The following PLA2G4E variants were observed in gnomAD, a reference collection of about 807,000 sequenced individuals.
PLA2G4E encodes the protein cytosolic phospholipase A2 epsilon.
A neutral mutation model predicts 109.1 loss-of-function variants in PLA2G4E; 84 were observed. The observed-to-expected ratio is 0.77, with a 90% CI of 0.65 to 0.92. The LOEUF is 0.92. PLA2G4E is among the 40% of genes least tolerant of loss of function. The pLI is 0.00. For synonymous variants in PLA2G4E, 469 were observed against 436.1 expected (o/e 1.08, Z -0.94); for missense variants, 1,057 against 1,076.6 (o/e 0.98, Z 0.25).
chr15:42,015,307 G>A (rs191344642), intron 1 of PLA2G4E, among the ~76,000 whole-genome samples: 2 of 152,212 alleles, frequency 1.3e-5, no homozygotes, highest in East Asian at 1.9e-4. Flanking sequence ...ACAGAGTGTC[G>A]CCGGATCATC....
chr15:42,017,536 G>A (rs551165912), intron 1 of PLA2G4E, among the ~76,000 whole-genome samples: 148 of 152,322 alleles, frequency 9.7e-4, no homozygotes, highest in African/African-American at 3.0e-3. Flanking sequence ...AGAGTCAGAG[G>A]CTAAGTCCTT....
intron 1 of PLA2G4E, among the ~76,000 whole-genome samples, chr15:42,017,125 C>T (rs935878131): frequency 2.0e-5 from 3 of 152,220 alleles, no homozygotes; most frequent in Non-Finnish European, 4.4e-5. Context: ...GGCAGGAGTC[C>T]GTCCTGAGGG....
At chr15:42,004,673 G>A (rs1012330096) in intron 5 of PLA2G4E, among the ~76,000 whole-genome samples, 1 of 152,224 alleles carries the variant, frequency 6.6e-6, no homozygotes, top group Admixed American at 6.5e-5. Flanking sequence ...GGGGGCCTGA[G>A]GCAGGCTATT....
intron 1 of PLA2G4E, among the ~76,000 whole-genome samples, chr15:42,025,992 A>T (rs1170925054): frequency 6.6e-6 from 1 of 152,234 alleles, no homozygotes; most frequent in Non-Finnish European, 1.5e-5. Flanking sequence ...CAAGGTATAA[A>T]ACCTAGAAGC....
intron 1 of PLA2G4E, among the ~76,000 whole-genome samples, chr15:42,027,811 C>T (rs901381603): frequency 7.2e-6 from 1 of 139,278 alleles, no homozygotes; most frequent in Non-Finnish European, 1.6e-5. Context: ...TTTATAGCTG[C>T]TCTATCTCAT....
At chr15:42,013,585 G>T in intron 2 of PLA2G4E, 100 bp downstream of exon 2, 1 of 1,079,782 alleles carries the variant, frequency 9.3e-7, no homozygotes. Context: ...ACGTGCGCGC[G>T]CACACACACA....
At chr15:42,027,373 C>T (rs2068701741) in intron 1 of PLA2G4E, among the ~76,000 whole-genome samples, 1 of 152,138 alleles carries the variant, frequency 6.6e-6, no homozygotes, top group South Asian at 2.1e-4. Context: ...AGGGGCCCCC[C>T]AGGGACCAGT....
chr15:41,998,544 A>G (rs1247097978), intron 10 of PLA2G4E: 4 of 152,236 alleles, frequency 2.6e-5, no homozygotes, highest in African/African-American at 9.6e-5. Context: ...CAAACTGTCA[A>G]TAGAAATCAT....
Position 41,990,229 on chromosome 15 carries a change from C to A in PLA2G4E, c.1477G>T (p.Glu493Ter). 1.2e-6 allele frequency: 2 copies of A among 1,613,440 alleles called. No homozygotes were observed. Among genetic ancestry groups the A allele is most frequent in the Non-Finnish European group, 1.7e-6 (2 of 1,179,698 alleles). ...GCACGCTGATCTGACAGTTTGCATT[C>A]ATTTCTCTGTGGGGAAACAAAATGG... The change falls in exon 14 of 20, where the codon GAA becomes TAA. Residue 493 changes from glutamate (E) to a stop codon, truncating the protein, a stop_gained. Coordinates refer to ENST00000399518, the Ensembl canonical transcript of PLA2G4E. LOFTEE classifies it high-confidence loss of function.
At chr15:42,030,028 G>A (rs1309207310) in intron 1 of PLA2G4E, among the ~76,000 whole-genome samples, 1 of 152,172 alleles carries the variant, frequency 6.6e-6, no homozygotes, top group African/African-American at 2.4e-5. Context: ...AGGGCCTGGA[G>A]GAGGAAGAAT....
intron 19 of PLA2G4E, 21 bp downstream of exon 19, chr15:41,984,415 C>T (rs1379695308): frequency 6.3e-7 from 1 of 1,599,740 alleles, no homozygotes. Context: ...GTGCTGGGAA[C>T]TGAGCACAGA....
exon 13 of PLA2G4E, chr15:41,992,830 G>A (rs1014532786): frequency 6.2e-7 from 1 of 1,613,986 alleles, no homozygotes; most frequent in East Asian, 2.2e-5. Flanking sequence ...GCTCCTCCTG[G>A]AATTTGCGGA....
At chr15:41,997,546 C>A in intron 10 of PLA2G4E, 2 of 228,428 alleles carry the variant, frequency 8.8e-6, no homozygotes, top group Non-Finnish European at 1.7e-5. Context: ...GTGTTAGGGA[C>A]GCTTTGAGTC....
exon 1 of PLA2G4E, chr15:42,050,603 C>T: frequency 6.4e-7 from 1 of 1,550,628 alleles, no homozygotes; most frequent in South Asian, 1.2e-5. Flanking sequence ...CTCACTGAAA[C>T]TTCTTCCTGA....
rs547803435 is a variant in PLA2G4E, at chr15:42,010,139, C to A, written c.257-2274G>T. The stretch of plus-strand genomic sequence containing the variant: ...GGCTTTTCCAGAACACTGGCCCCCC[C>A]ACCCCGGGCCTGGACCACACCCTTC... On this transcript the variant is annotated intron_variant, in intron 2 of 19. Transcript: ENST00000399518. The A allele has an allele frequency of 1.6e-4, 76 of 476,824 alleles. 11 individuals are homozygous for A. The highest frequency in any genetic ancestry group is 3.7e-4 in the East Asian group (6 of 16,186). 29.5% of individuals were successfully genotyped at this position (476,824 alleles called of 1,614,324 possible).
intron 13 of PLA2G4E, among the ~76,000 whole-genome samples, chr15:41,991,208 C>A (rs925201135): frequency 6.6e-6 from 1 of 152,168 alleles, no homozygotes; most frequent in African/African-American, 2.4e-5. Flanking sequence ...AGAGCAGAGG[C>A]CTCTCAACAA....
intron 1 of PLA2G4E, among the ~76,000 whole-genome samples, chr15:42,045,211 C>T (rs1333000536): frequency 6.6e-6 from 1 of 152,098 alleles, no homozygotes; most frequent in Non-Finnish European, 1.5e-5. Flanking sequence ...GAAGGGAGAC[C>T]CTCTACGATG....
intron 2 of PLA2G4E, among the ~76,000 whole-genome samples, chr15:42,011,115 C>T (rs981297483): frequency 3.7e-5 from 5 of 136,838 alleles, no homozygotes; most frequent in Admixed American, 6.9e-5. Flanking sequence ...ATGTGCCTTC[C>T]GCCTTGTTCT....
At chr15:41,985,622 A>G (rs920891683) in intron 18 of PLA2G4E, among the ~76,000 whole-genome samples, 3 of 152,280 alleles carry the variant, frequency 2.0e-5, no homozygotes, top group African/African-American at 7.2e-5. Context: ...GAATTTGCTA[A>G]GTCAACATGG....
Sources: allele counts gnomAD v4.1 joint callset (sites outside exome capture counted in the v4.1 genomes callset), GRCh38; gene constraint gnomAD v4.1.1; transcripts MANE v1.5; gene names NCBI Gene and HGNC (gene_info 2026-07-23, HGNC 2026-07-21).